The following CDH3 variants were observed in gnomAD, a reference collection of about 807,000 sequenced individuals.
CDH3 encodes the protein cadherin-3.
In CDH3, 54 loss-of-function variants were observed where a neutral mutation model predicts 82.0. The observed-to-expected ratio is 0.66, with a 90% CI of 0.53 to 0.83. CDH3 has a LOEUF of 0.83. Among genes scored for constraint, CDH3 ranks in the 40% least tolerant of loss-of-function variants. CDH3 has a pLI of 0.00. For synonymous variants in CDH3, 446 were observed against 437.9 expected (o/e 1.02, Z -0.23); for missense variants, 1,054 against 1,084.6 (o/e 0.97, Z 0.40).
chr16:68,672,885 T>G (rs1019797993), intron 2 of CDH3, among the ~76,000 whole-genome samples: 4 of 152,204 alleles, frequency 2.6e-5, no homozygotes, highest in African/African-American at 9.6e-5. Flanking sequence ...TTCCTTTGCC[T>G]GGATGAGTTT....
chr16:68,701,285 G>A (rs1048502533), downstream of CDH3, among the ~76,000 whole-genome samples: 1 of 151,832 alleles, frequency 6.6e-6, no homozygotes, highest in African/African-American at 2.4e-5. Context: ...TCTGTGATGG[G>A]GACAATATTA....
Position 68,722,155 on chromosome 16 carries a change from G to C in CDH3, c.100-270G>C, listed in dbSNP as rs773848810. Among the ~76,000 whole-genome samples the C allele has an allele frequency of 5.2e-4, 79 of 152,218 alleles. 1 individual carries two copies. Among genetic ancestry groups the C allele is most frequent in the Non-Finnish European group, 6.6e-4 (45 of 68,044 alleles). ...GCTCTGGGTTGTAAATCCTTGGGTTGTAAATCCCTGGCTCCCTTGTCTGTT... is the reference window on the plus strand; with the variant it reads ...GCTCTGGGTTGTAAATCCTTGGGTTCTAAATCCCTGGCTCCCTTGTCTGTT... On this transcript the variant is annotated intron_variant, in intron 1 of 2. Transcript: ENST00000569080.
At chr16:68,716,067 G>A (rs771461021) in intron 1 of CDH3, among the ~76,000 whole-genome samples, 3 of 152,060 alleles carry the variant, frequency 2.0e-5, no homozygotes, top group Non-Finnish European at 2.9e-5. Flanking sequence ...TCAGGAATTC[G>A]AGACCTGCTT....
chr16:68,661,877 G>A (rs1172193938), intron 2 of CDH3, among the ~76,000 whole-genome samples: 2 of 152,224 alleles, frequency 1.3e-5, no homozygotes, highest in Admixed American at 6.5e-5. Context: ...TTTTAGTAGA[G>A]ATGGGGTTTC....
Position 68,707,920 on chromosome 16 carries a change from C to G in CDH3, c.99+11997C>G, listed in dbSNP as rs1961984271. ...TTCCAACTTCTGTCCCCACTGTTGT[C>G]CATCCGGTAAACCACGGCCAGCCCA... On this transcript the variant is annotated intron_variant, in intron 1 of 2. Transcript: ENST00000569080. The surrounding 1 kb of genome is among the most constrained non-coding windows in gnomAD (Gnocchi z 4.5). Among the ~76,000 whole-genome samples, 1 of 151,956 alleles carries G rather than the reference C, an allele frequency of 6.6e-6. No homozygotes were observed. Among genetic ancestry groups the G allele is most frequent in the African/African-American group, 2.4e-5 (1 of 41,350 alleles).
At chr16:68,691,338 T>A (rs1243888391) in intron 12 of CDH3, among the ~76,000 whole-genome samples, 1 of 149,038 alleles carries the variant, frequency 6.7e-6, no homozygotes, top group Admixed American at 6.7e-5. Flanking sequence ...GCTTTTACTT[T>A]AAAAAAAAAA....
At chr16:68,654,016 C>T (rs1960329312) in intron 2 of CDH3, among the ~76,000 whole-genome samples, 1 of 151,318 alleles carries the variant, frequency 6.6e-6, no homozygotes, top group Non-Finnish European at 1.5e-5. Context: ...TGCTCCCGGC[C>T]AAATGTCTTG....
chr16:68,670,216 T>A (rs1267418844), intron 2 of CDH3, among the ~76,000 whole-genome samples: 2 of 104,088 alleles, frequency 1.9e-5, no homozygotes, highest in Admixed American at 2.3e-4. Context: ...AGAGCAAGAC[T>A]CTGTCTCAAA....
downstream of CDH3, among the ~76,000 whole-genome samples, chr16:68,700,583 C>T (rs887087512): frequency 1.3e-5 from 2 of 152,224 alleles, no homozygotes; most frequent in African/African-American, 4.8e-5. Flanking sequence ...GTGGGTGGAT[C>T]ACTTGAGGTC....
At chr16:68,679,097 A>G (rs945539400) in intron 6 of CDH3, among the ~76,000 whole-genome samples, 191 bp downstream of exon 6, 3 of 152,182 alleles carry the variant, frequency 2.0e-5, no homozygotes, top group Non-Finnish European at 4.4e-5. Context: ...TGGAATCTGT[A>G]TATTTGAAAT....
intron 2 of CDH3, among the ~76,000 whole-genome samples, chr16:68,656,715 T>A (rs1201671479): frequency 6.6e-6 from 1 of 152,188 alleles, no homozygotes. Flanking sequence ...GGAAAGATAT[T>A]TGGAGTCTTC....
chr16:68,645,523 G>C, intron 1 of CDH3, 99 bp downstream of exon 1: 1 of 1,462,878 alleles, frequency 6.8e-7, no homozygotes, highest in East Asian at 2.4e-5. Flanking sequence ...GCGGGGCTGC[G>C]CTCCCTGGGG....
At chr16:68,726,801 G>A (rs865823220) in intron 2 of CDH3, among the ~76,000 whole-genome samples, 10 of 152,020 alleles carry the variant, frequency 6.6e-5, no homozygotes, top group African/African-American at 1.9e-4. Flanking sequence ...GGATGGTCTC[G>A]ATCTCCTGAC....
intron 2 of CDH3, among the ~76,000 whole-genome samples, chr16:68,726,186 C>T (rs971291587): frequency 2.0e-5 from 3 of 152,140 alleles, no homozygotes; most frequent in South Asian, 2.1e-4. Flanking sequence ...TGAAACTGGT[C>T]GTTCATTTCT....
intron 6 of CDH3, 29 bp downstream of exon 6, chr16:68,678,935 G>A (rs755378442): frequency 5.3e-5 from 86 of 1,611,288 alleles, no homozygotes; most frequent in Admixed American, 6.7e-5. Context: ...GGACTGCTAC[G>A]GGGCTGGGCC....
At chr16:68,697,685 A>G (rs1961770584) in intron 15 of CDH3, among the ~76,000 whole-genome samples, 1 of 152,164 alleles carries the variant, frequency 6.6e-6, no homozygotes, top group African/African-American at 2.4e-5. Flanking sequence ...CTGACCTAGC[A>G]TGTAGCGCTT....
Position 68,660,178 on chromosome 16 carries a change from A to G in CDH3, c.160+14428A>G, listed in dbSNP as rs114860771. ...TGAACTGTTCATCTTAACATCATCCAGATAAATTGAGCTTTCATGTTTAAA... is the reference window on the plus strand; with the variant it reads ...TGAACTGTTCATCTTAACATCATCCGGATAAATTGAGCTTTCATGTTTAAA... On this transcript the variant is annotated intron_variant, in intron 2 of 15. Coordinates refer to ENST00000264012, the MANE Select transcript of CDH3 (RefSeq NM_001793.6). 3.1e-3 allele frequency among the ~76,000 whole-genome samples: 473 copies of G among 152,340 alleles called. 6 individuals carry two copies. Among genetic ancestry groups the G allele is most frequent in the East Asian group, 0.02 (105 of 5,190 alleles).
chr16:68,682,136 G>T (rs947115078), intron 8 of CDH3, among the ~76,000 whole-genome samples, 166 bp from the exon 9 acceptor site: 1 of 152,172 alleles, frequency 6.6e-6, no homozygotes, highest in Non-Finnish European at 1.5e-5. Context: ...GCTGCTGCTG[G>T]GGACATCCTG....
rs1208761336 is a variant in CDH3 at position 68,645,441 on chromosome 16, C to T, written c.45+17C>T. The T allele has an allele frequency of 2.7e-5, 43 of 1,612,652 alleles. No individual in the cohort carries two copies. The highest frequency in any genetic ancestry group is 3.6e-5 in the Non-Finnish European group (43 of 1,179,530). ...CTTCTCCAGGTACTCCACAGCCTCG[C>T]CGTGGCCCCGACCGGGACCGCTCCC... On this transcript the variant is annotated intron_variant, in intron 1 of 15. Transcript: ENST00000264012.
Sources: allele counts gnomAD v4.1 joint callset (sites outside exome capture counted in the v4.1 genomes callset), GRCh38; gene constraint gnomAD v4.1.1; non-coding constraint Gnocchi (gnomAD v3.1); transcripts MANE v1.5; gene names NCBI Gene and HGNC (gene_info 2026-07-23, HGNC 2026-07-21).